GPR160: variants seen among roughly 807,000 people sequenced by gnomAD.
GPR160 encodes probable G protein-coupled receptor 160.
Under a neutral mutation model 2.6 loss-of-function variants are expected in GPR160, and 2 were observed. The ratio of observed to expected loss-of-function variants is 0.77; its 90% CI spans 0.32 to 2.44. The LOEUF (loss-of-function observed/expected upper bound fraction) is 2.44, where lower values mean the gene tolerates loss of function less well. Among genes scored for constraint, GPR160 ranks in the 30% most tolerant of loss-of-function variants. GPR160 has a pLI of 0.11. For synonymous variants in GPR160, 130 were observed against 132.2 expected, an observed-to-expected ratio of 0.98 and a Z score of 0.12; for missense variants, 351 against 383.6, an observed-to-expected ratio of 0.91 and a Z score of 0.71.
At chr3:170,081,840 C>T (rs550602480) in intron 3 of GPR160, among the ~76,000 whole-genome samples, 1 of 152,234 alleles carries the variant, frequency 6.6e-6, no homozygotes, top group African/African-American at 2.4e-5. Flanking sequence ...GTTTTCTGTT[C>T]CTGCGTTAGT....
chr3:170,056,328 T>C (rs1169417040), intron 2 of GPR160, among the ~76,000 whole-genome samples: 1 of 152,244 alleles, frequency 6.6e-6, no homozygotes, highest in East Asian at 1.9e-4. Context: ...TAAAAATTCA[T>C]GGTAGCTTTA....
intron 2 of GPR160, among the ~76,000 whole-genome samples, chr3:170,041,575 C>G (rs1347961123): frequency 6.6e-6 from 1 of 152,280 alleles, no homozygotes; most frequent in South Asian, 2.1e-4. Flanking sequence ...CCATCGCGCC[C>G]GGCCGTAAAG....
At chr3:170,070,504 C>G (rs1341225034) in intron 2 of GPR160, among the ~76,000 whole-genome samples, 2 of 152,222 alleles carry the variant, frequency 1.3e-5, no homozygotes, top group East Asian at 3.9e-4. Flanking sequence ...GGGCAGTTTC[C>G]AAATTTTATC....
At chr3:170,071,732 A>G (rs988291558) in intron 2 of GPR160, among the ~76,000 whole-genome samples, 10 of 152,286 alleles carry the variant, frequency 6.6e-5, no homozygotes, top group Non-Finnish European at 2.9e-5. Context: ...GAAGGCAGAG[A>G]TGGCAGTGAG....
chr3:170,083,731 A>T (rs1459977395), intron 3 of GPR160, among the ~76,000 whole-genome samples, 174 bp from the exon 4 acceptor site: 3 of 152,214 alleles, frequency 2.0e-5, no homozygotes, highest in African/African-American at 7.2e-5. Context: ...AAAAATGACC[A>T]GAGTATACAC....
intron 2 of GPR160, among the ~76,000 whole-genome samples, chr3:170,042,664 A>T (rs773534250): frequency 1.4e-5 from 2 of 143,404 alleles, no homozygotes; most frequent in African/African-American, 5.3e-5. Context: ...CCCCATCTCT[A>T]CAAAAAAAAA....
At chr3:170,078,540 A>G (rs1422091146) in intron 2 of GPR160, among the ~76,000 whole-genome samples, 1 of 152,194 alleles carries the variant, frequency 6.6e-6, no homozygotes, top group Admixed American at 6.5e-5. Flanking sequence ...TTACAAAGAG[A>G]TAAGAAAAAG....
intron 2 of GPR160, among the ~76,000 whole-genome samples, chr3:170,065,919 T>G (rs1712304843): frequency 6.6e-6 from 1 of 151,938 alleles, no homozygotes; most frequent in Non-Finnish European, 1.5e-5. Flanking sequence ...CTGTAACCAC[T>G]GTCTTTAACT....
intron 2 of GPR160, among the ~76,000 whole-genome samples, chr3:170,060,262 A>G (rs1174980513): frequency 6.6e-6 from 1 of 152,268 alleles, no homozygotes; most frequent in South Asian, 2.1e-4. Context: ...CAATGAATCT[A>G]TAATGTATTT....
intron 2 of GPR160, among the ~76,000 whole-genome samples, chr3:170,047,257 C>T (rs1423472957): frequency 6.6e-6 from 1 of 152,106 alleles, no homozygotes; most frequent in Non-Finnish European, 1.5e-5. Context: ...TCACCGCATC[C>T]CCCCAAGCCT....
Position 170,084,368 on chromosome 3 carries a change from TAA to T in GPR160, c.397_398del (p.Lys133ValfsTer86). ...TCTCTAAAACAACCAAGCTTTCATT[TAA>T]GTGTCAAAAATTATTTTATTTCTTT... is the stretch of plus-strand genomic sequence containing the variant. Reference protein sequence around the residue: ...NFSKTTKLSFKCQKLFYFFTV... With the variant: ...NFSKTTKLSFXCQKLFYFFTV... On this transcript the variant is annotated frameshift_variant, in exon 4 of 4. Coordinates refer to ENST00000355897, the MANE Select transcript of GPR160 (RefSeq NM_014373.3). LOFTEE classifies it low-confidence loss of function (END_TRUNC). 1 of 1,609,048 alleles carries T rather than the reference TAA, an allele frequency of 6.2e-7. No homozygotes were observed. The highest frequency in any genetic ancestry group is 8.5e-7 in the Non-Finnish European group (1 of 1,176,282).
At chr3:170,072,961 T>G (rs1712675742) in intron 2 of GPR160, among the ~76,000 whole-genome samples, 1 of 152,138 alleles carries the variant, frequency 6.6e-6, no homozygotes, top group Non-Finnish European at 1.5e-5. Context: ...GCAGGAGGAA[T>G]GCTTGAAGCC....
intron 2 of GPR160, chr3:170,077,856 G>T: frequency 6.2e-6 from 1 of 162,500 alleles, no homozygotes; most frequent in South Asian, 1.6e-4. Context: ...CTGTGGGACA[G>T]ACCCAGCAGC....
chr3:170,049,581 G>A lies in GPR160; in HGVS notation c.-193+10538G>A, dbSNP rs145080894. ...GACATGGTGCCCTCCCAGACACTGG[G>A]TAGTGTGGTCTGTAGACAGACTCCA... On this transcript the variant is annotated intron_variant, in intron 2 of 3. Coordinates refer to ENST00000355897, the MANE Select transcript of GPR160 (RefSeq NM_014373.3). Among the ~76,000 whole-genome samples, 39 of 152,344 alleles carry A rather than the reference G, an allele frequency of 2.6e-4. No homozygotes were observed. The East Asian group carries it at 7.5e-3, about 29-fold the overall frequency.
intron 2 of GPR160, among the ~76,000 whole-genome samples, chr3:170,040,510 T>C (rs1252626835): frequency 6.6e-6 from 1 of 152,206 alleles, no homozygotes; most frequent in African/African-American, 2.4e-5. Context: ...GCGGATCAAG[T>C]TGATGCAGGT....
intron 2 of GPR160, among the ~76,000 whole-genome samples, chr3:170,073,490 T>C (rs1284114219): frequency 6.6e-6 from 1 of 152,234 alleles, no homozygotes; most frequent in Non-Finnish European, 1.5e-5. Context: ...GTTTTTATCA[T>C]ATTAGATTTT....
At chr3:170,053,427 A>G (rs772575763) in intron 2 of GPR160, among the ~76,000 whole-genome samples, 18 of 152,162 alleles carry the variant, frequency 1.2e-4, no homozygotes, top group African/African-American at 4.3e-4. Context: ...TTGTTGCTAT[A>G]TATAGCAATG....
chr3:170,063,619 G>C (rs368349654), intron 2 of GPR160, among the ~76,000 whole-genome samples: 2 of 147,744 alleles, frequency 1.4e-5, no homozygotes, highest in African/African-American at 5.0e-5. Context: ...GAAGCCGCGC[G>C]AGTCTCCTCT....
intron 2 of GPR160, among the ~76,000 whole-genome samples, chr3:170,041,562 G>C (rs1201605409): frequency 6.6e-6 from 1 of 152,208 alleles, no homozygotes; most frequent in Non-Finnish European, 1.5e-5. Context: ...TTACAGGCGT[G>C]AGCCATCGCG....
Sources: gnomAD v4.1 joint callset for allele counts (sites outside exome capture counted in the v4.1 genomes callset) on GRCh38, gnomAD v4.1.1 for gene constraint, MANE v1.5 for transcripts, NCBI Gene and HGNC (gene_info 2026-07-23, HGNC 2026-07-21) for gene names.